The following LUZP2 variants were observed in gnomAD, a reference collection of about 807,000 sequenced individuals.
The protein encoded by LUZP2 is leucine zipper protein 2.
In LUZP2, 52 loss-of-function variants were observed where a neutral mutation model predicts 51.6. That is an observed-to-expected ratio of 1.01 (90% CI 0.81 to 1.27). The LOEUF (loss-of-function observed/expected upper bound fraction) is 1.27. Among genes scored for constraint, LUZP2 ranks in the 50% most tolerant of loss-of-function variants. The pLI, the probability that LUZP2 is intolerant of heterozygous loss-of-function variation, is 0.00. For missense variants in LUZP2, 436 were observed against 395.4 expected (o/e 1.10, Z -0.87); for synonymous variants, 154 against 137.3 (o/e 1.12, Z -0.85).
chr11:24,920,961 A>C (rs2133815499), intron 7 of LUZP2, among the ~76,000 whole-genome samples: 1 of 152,288 alleles, frequency 6.6e-6, no homozygotes, highest in Non-Finnish European at 1.5e-5. Flanking sequence ...AAAAGAAAAT[A>C]TTTTTAAAAA....
chr11:24,777,385 G>T (rs2134066721), intron 5 of LUZP2, among the ~76,000 whole-genome samples: 1 of 152,144 alleles, frequency 6.6e-6, no homozygotes, highest in East Asian at 1.9e-4. Context: ...AATTCATGCG[G>T]GGGGATCCAT....
intron 1 of LUZP2, among the ~76,000 whole-genome samples, chr11:24,710,515 G>A (rs71476397): frequency 0.11 from 16,530 of 152,128 alleles, 1,108 homozygotes; most frequent in East Asian, 0.22. Flanking sequence ...CACATTGATC[G>A]TATATTGACA....
rs377562014 is a variant in LUZP2 at position 24,560,546 on chromosome 11, A to G, written c.62+63241A>G. Among the ~76,000 whole-genome samples the G allele has an allele frequency of 7.9e-5, 12 of 152,292 alleles. No homozygotes were observed. In the South Asian group the frequency reaches 2.5e-3, roughly 32 times the overall value. ...GACAAGAAAAACAGGCAGCACGACA[A>G]GTCAGATTCAACTCTAGGTGCACTA... On this transcript the variant is annotated intron_variant, in intron 1 of 11. Coordinates refer to ENST00000336930, the MANE Select transcript of LUZP2 (RefSeq NM_001009909.4).
chr11:24,563,937 A>G (rs1452667369), intron 1 of LUZP2, among the ~76,000 whole-genome samples: 1 of 152,150 alleles, frequency 6.6e-6, no homozygotes, highest in Non-Finnish European at 1.5e-5. Context: ...CTTAGTCTCA[A>G]GTCAACTCCA....
chr11:24,649,676 T>A (rs1165078414), intron 1 of LUZP2, among the ~76,000 whole-genome samples: 1 of 151,904 alleles, frequency 6.6e-6, no homozygotes, highest in Non-Finnish European at 1.5e-5. Flanking sequence ...ATAGGTGTTA[T>A]AACCTGAATC....
At chr11:24,912,530 T>G (rs951279732) in intron 6 of LUZP2, among the ~76,000 whole-genome samples, 1 of 152,084 alleles carries the variant, frequency 6.6e-6, no homozygotes, top group Non-Finnish European at 1.5e-5. Context: ...ATTCTGGGGC[T>G]GGGCATGGTG....
At chr11:24,603,193 C>T (rs1380090105) in intron 1 of LUZP2, among the ~76,000 whole-genome samples, 1 of 151,608 alleles carries the variant, frequency 6.6e-6, no homozygotes, top group Non-Finnish European at 1.5e-5. Context: ...ATGTGAAACC[C>T]CAAGATGAGG....
At chr11:24,846,508 C>A (rs1462956511) in intron 5 of LUZP2, among the ~76,000 whole-genome samples, 1 of 151,772 alleles carries the variant, frequency 6.6e-6, no homozygotes, top group Non-Finnish European at 1.5e-5. Flanking sequence ...AGAACAATTT[C>A]TCAAAAGACA....
chr11:24,792,122 T>G (rs1849425349), intron 5 of LUZP2, among the ~76,000 whole-genome samples: 1 of 152,090 alleles, frequency 6.6e-6, no homozygotes, highest in Non-Finnish European at 1.5e-5. Flanking sequence ...CTTGCATTTC[T>G]ATTTTCAAAG....
At chr11:24,964,942 G>A (rs900592778) in intron 7 of LUZP2, among the ~76,000 whole-genome samples, 2 of 151,740 alleles carry the variant, frequency 1.3e-5, no homozygotes, top group South Asian at 4.2e-4. Flanking sequence ...TAATGATAGA[G>A]TAAGTAAAAG....
intron 7 of LUZP2, among the ~76,000 whole-genome samples, chr11:24,967,914 G>A (rs1393272095): frequency 2.6e-5 from 4 of 151,984 alleles, no homozygotes; most frequent in Admixed American, 2.6e-4. Flanking sequence ...TTAATAACTG[G>A]TGAGATTTTA....
intron 9 of LUZP2, among the ~76,000 whole-genome samples, chr11:25,008,581 A>C (rs1856899788): frequency 6.6e-6 from 1 of 152,212 alleles, no homozygotes; most frequent in South Asian, 2.1e-4. Flanking sequence ...CCTGTTGCTC[A>C]GCAAGTGGGA....
At chr11:24,607,911 C>T (rs573210688) in intron 1 of LUZP2, among the ~76,000 whole-genome samples, 34 of 151,518 alleles carry the variant, frequency 2.2e-4, no homozygotes, top group African/African-American at 7.3e-4. Flanking sequence ...TGCAGTGGCG[C>T]GATCTAGGCT....
At chr11:24,520,076 A>G (rs1850595285) in intron 1 of LUZP2, among the ~76,000 whole-genome samples, 1 of 152,210 alleles carries the variant, frequency 6.6e-6, no homozygotes, top group African/African-American at 2.4e-5. Context: ...TTAAAATGGC[A>G]TAATAAAGCA....
chr11:24,575,560 T>G (rs1258340429), intron 1 of LUZP2, among the ~76,000 whole-genome samples: 1 of 152,214 alleles, frequency 6.6e-6, no homozygotes, highest in Non-Finnish European at 1.5e-5. Context: ...TGCCAAATAT[T>G]AGCAATTGCT....
intron 5 of LUZP2, chr11:24,891,134 A>G (rs10834531): frequency 0.48 from 468,024 of 982,460 alleles, 116,560 homozygotes; most frequent in East Asian, 0.68. Context: ...AAAGAATACT[A>G]TTTCCCCTAA....
At chr11:24,972,002 T>C (rs1045143553) in intron 7 of LUZP2, among the ~76,000 whole-genome samples, 1 of 151,718 alleles carries the variant, frequency 6.6e-6, no homozygotes, top group Non-Finnish European at 1.5e-5. Context: ...ATTAGCTGGG[T>C]GTGGTGGCAT....
intron 1 of LUZP2, among the ~76,000 whole-genome samples, chr11:24,601,689 G>GA (rs1187299935): frequency 6.6e-6 from 1 of 151,180 alleles, no homozygotes; most frequent in South Asian, 2.1e-4. Flanking sequence ...GATAATATGA[G>GA]AAAAAATTAA....
intron 5 of LUZP2, among the ~76,000 whole-genome samples, chr11:24,827,647 G>A (rs999569793): frequency 6.6e-6 from 1 of 152,108 alleles, no homozygotes; most frequent in African/African-American, 2.4e-5. Flanking sequence ...TGGAAGTTGA[G>A]GCTGAAGAGG....
Sources: allele counts gnomAD v4.1 joint callset (sites outside exome capture counted in the v4.1 genomes callset), GRCh38; gene constraint gnomAD v4.1.1; transcripts MANE v1.5; gene names NCBI Gene and HGNC (gene_info 2026-07-23, HGNC 2026-07-21).